Variants in AMOTL1 observed in about 807,000 individuals in gnomAD.
AMOTL1 encodes the protein angiomotin-like protein 1.
AMOTL1 carries 45 observed loss-of-function variants against 102.9 expected under a neutral mutation model. The ratio of observed to expected loss-of-function variants is 0.44; its 90% CI spans 0.34 to 0.56. The LOEUF (loss-of-function observed/expected upper bound fraction) is 0.56, where lower values mean the gene tolerates loss of function less well. Among genes scored for constraint, AMOTL1 ranks in the 20% least tolerant of loss-of-function variants. AMOTL1 has a pLI of 0.01. For synonymous variants in AMOTL1, 481 were observed against 484.7 expected, an observed-to-expected ratio of 0.99 and a Z score of 0.10; for missense variants, 1,114 against 1,225.6, an observed-to-expected ratio of 0.91 and a Z score of 1.36.
At chr11:94,854,742 A>G (rs950361610) in intron 8 of AMOTL1, among the ~76,000 whole-genome samples, 1 of 152,108 alleles carries the variant, frequency 6.6e-6, no homozygotes, top group African/African-American at 2.4e-5. Context: ...GGGTGTAGTG[A>G]CAGTGAGAAC....
upstream of AMOTL1, among the ~76,000 whole-genome samples, chr11:94,764,208 A>T (rs1326087886): frequency 3.9e-5 from 6 of 151,946 alleles, no homozygotes; most frequent in Non-Finnish European, 7.3e-5. Context: ...TCTTTAGCAT[A>T]CTACACTCTG....
intron 6 of AMOTL1, among the ~76,000 whole-genome samples, chr11:94,833,142 C>A (rs1173926988): frequency 6.6e-6 from 1 of 152,178 alleles, no homozygotes; most frequent in African/African-American, 2.4e-5. Context: ...AAGGCAAACA[C>A]AAGAGACCAG....
At chr11:94,764,760 T>G (rs200793745), upstream of AMOTL1, among the ~76,000 whole-genome samples, 11 of 152,348 alleles carry the variant, frequency 7.2e-5, no homozygotes, top group East Asian at 2.1e-3. Context: ...TGCATTTTAA[T>G]AGAGTATTTA....
At chr11:94,733,137 G>A (rs1394285570) in intron 2 of AMOTL1, among the ~76,000 whole-genome samples, 1 of 152,258 alleles carries the variant, frequency 6.6e-6, no homozygotes, top group African/African-American at 2.4e-5. Flanking sequence ...AGCTCAGACA[G>A]CAGATTCACA....
chr11:94,814,136 C>T (rs1404441288), intron 3 of AMOTL1, among the ~76,000 whole-genome samples: 2 of 152,090 alleles, frequency 1.3e-5, no homozygotes, highest in Non-Finnish European at 2.9e-5. Flanking sequence ...TTATCTTCTC[C>T]ATCATCTTTT....
At chr11:94,781,706 A>T (rs1014021712) in intron 1 of AMOTL1, among the ~76,000 whole-genome samples, 8 of 152,078 alleles carry the variant, frequency 5.3e-5, no homozygotes, top group Non-Finnish European at 1.2e-4. Context: ...GTGGTGGTGC[A>T]TGCCTGTAAT....
chr11:94,713,558 A>T (rs191581240), intron 1 of AMOTL1, among the ~76,000 whole-genome samples: 20 of 151,870 alleles, frequency 1.3e-4, no homozygotes, highest in Admixed American at 7.2e-4. Context: ...TTTTTAATGA[A>T]TATTTTATAA....
intron 2 of AMOTL1, among the ~76,000 whole-genome samples, chr11:94,736,717 G>A (rs751652606): frequency 1.4e-4 from 22 of 152,164 alleles, no homozygotes; most frequent in Non-Finnish European, 2.4e-4. Context: ...ATGCAAATCC[G>A]TAAACTTGTG....
Position 94,875,227 on chromosome 11 carries a change from T to C in AMOTL1, c.*4432T>C, listed in dbSNP as rs1350077897. The C allele has an allele frequency of 6.6e-6, 1 of 152,238 alleles. No individual in the cohort carries two copies. Among genetic ancestry groups the C allele is most frequent in the Non-Finnish European group, 1.5e-5 (1 of 68,032 alleles). 9.4% of individuals were successfully genotyped at this position (152,238 alleles called of 1,614,324 possible). ...GCTCCATGGGAGATAGGCAAAGTAA[T>C]TAAGAAGTTACCAGAAATTGGTCGG... is the stretch of plus-strand genomic sequence containing the variant. On this transcript the variant is annotated 3_prime_UTR_variant, in exon 13 of 13. Coordinates refer to ENST00000433060, the MANE Select transcript of AMOTL1 (RefSeq NM_130847.3).
intron 8 of AMOTL1, among the ~76,000 whole-genome samples, chr11:94,854,907 C>T (rs998237947): frequency 1.3e-5 from 2 of 152,158 alleles, no homozygotes; most frequent in African/African-American, 4.8e-5. Flanking sequence ...GCCTGTCCTT[C>T]TCTGCTGGTA....
intron 1 of AMOTL1, among the ~76,000 whole-genome samples, chr11:94,773,052 C>T (rs1263101917): frequency 6.6e-6 from 1 of 152,112 alleles, no homozygotes. Flanking sequence ...TTGCCCATTC[C>T]CTAACTGGAT....
chr11:94,784,698 C>T (rs1951157477), intron 1 of AMOTL1, among the ~76,000 whole-genome samples: 1 of 152,142 alleles, frequency 6.6e-6, no homozygotes, highest in Non-Finnish European at 1.5e-5. Flanking sequence ...TTTCAGTTTA[C>T]CACAACTTTT....
chr11:94,858,723 C>T (rs767453160), intron 8 of AMOTL1, among the ~76,000 whole-genome samples: 15 of 152,230 alleles, frequency 9.9e-5, no homozygotes, highest in Non-Finnish European at 1.9e-4. Flanking sequence ...TAACTTATCT[C>T]TGCTGCTGCT....
At chr11:94,789,819 T>G (rs148835954) in intron 1 of AMOTL1, among the ~76,000 whole-genome samples, 1 of 152,292 alleles carries the variant, frequency 6.6e-6, no homozygotes, top group Non-Finnish European at 1.5e-5. Flanking sequence ...ACAGAATTGT[T>G]TGTTGCTGTG....
At position 94,755,850 on chromosome 11, in the gene AMOTL1, G is replaced by T. The variant is rs562050766; in HGVS notation, c.136+14862G>T. Among the ~76,000 whole-genome samples, 474 of 152,316 alleles carry T rather than the reference G, an allele frequency of 3.1e-3. 2 individuals carry two copies. Among genetic ancestry groups the T allele is most frequent in the Non-Finnish European group, 4.4e-3 (297 of 68,028 alleles). On this transcript the variant is annotated intron_variant, in intron 3 of 4. Coordinates refer to the AMOTL1 transcript ENST00000299004. ...CAGTTTTGCTGTCTGCAGGCCGCTT[G>T]TGTTCATCAGCTCAGTTAGACCCTC...
At chr11:94,724,307 C>T (rs953340073) in intron 1 of AMOTL1, among the ~76,000 whole-genome samples, 2 of 152,148 alleles carry the variant, frequency 1.3e-5, no homozygotes, top group East Asian at 1.9e-4. Flanking sequence ...GAACAAGGGG[C>T]AGGAGTTCCG....
At chr11:94,839,075 G>A (rs116714869) in intron 6 of AMOTL1, among the ~76,000 whole-genome samples, 2,003 of 152,330 alleles carry the variant, frequency 0.013, 46 homozygotes, top group African/African-American at 0.046. Flanking sequence ...TACCAGTAAT[G>A]CCTGTGTCTT....
rs377498819 is a variant in AMOTL1 at position 94,802,088 on chromosome 11, A to T, written c.1121+1777A>T. The stretch of plus-strand genomic sequence containing the variant: ...CACATTTCCCCACATTAGACTGAGA[A>T]TGCCAGCTCAGAAGCAGCATAACCA... On this transcript the variant is annotated intron_variant, in intron 3 of 12. Coordinates refer to ENST00000433060, the MANE Select transcript of AMOTL1 (RefSeq NM_130847.3). Among the ~76,000 whole-genome samples the T allele has an allele frequency of 1.1e-3, 173 of 152,306 alleles. 5 individuals are homozygous for T. The South Asian group carries it at 0.034, about 30-fold the overall frequency.
intron 3 of AMOTL1, among the ~76,000 whole-genome samples, chr11:94,808,348 T>C (rs1951602348): frequency 6.6e-6 from 1 of 152,262 alleles, no homozygotes; most frequent in African/African-American, 2.4e-5. Context: ...TTAATTTCTC[T>C]ATTAATTTTG....
Sources: gnomAD v4.1 joint callset for allele counts (sites outside exome capture counted in the v4.1 genomes callset) on GRCh38, gnomAD v4.1.1 for gene constraint, MANE v1.5 for transcripts, NCBI Gene and HGNC (gene_info 2026-07-23, HGNC 2026-07-21) for gene names.